TNNI3K: variants seen among roughly 807,000 people sequenced by gnomAD.
TNNI3K encodes TNNI3 interacting kinase.
Under a neutral mutation model 114.5 loss-of-function variants are expected in TNNI3K, and 140 were observed. The observed-to-expected ratio is 1.22, with a 90% CI of 1.07 to 1.41. The LOEUF (loss-of-function observed/expected upper bound fraction) is 1.41. Among genes scored for constraint, TNNI3K ranks in the 40% most tolerant of loss-of-function variants. The pLI is 0.00. For synonymous variants in TNNI3K, 347 were observed against 347.5 expected, an observed-to-expected ratio of 1.00 and a Z score of 0.02; for missense variants, 1,125 against 1,007.6, an observed-to-expected ratio of 1.12 and a Z score of -1.58.
At chr1:74,307,979 GT>G (rs1658755087) in intron 5 of TNNI3K, among the ~76,000 whole-genome samples, 3 of 151,796 alleles carry the variant, frequency 2.0e-5, no homozygotes, top group African/African-American at 7.2e-5. Context: ...ATATATAATA[GT>G]AATAATAGTG....
At chr1:74,252,680 G>A (rs917939673) in intron 4 of TNNI3K, among the ~76,000 whole-genome samples, 1 of 151,946 alleles carries the variant, frequency 6.6e-6, no homozygotes, top group Non-Finnish European at 1.5e-5. Context: ...GCAGACCCTC[G>A]CAGTGAGTGT....
At position 74,436,098 on chromosome 1, in the gene TNNI3K, T is replaced by C; in HGVS notation, c.1791T>C (p.Tyr597=). 1 of 1,607,874 alleles carries C rather than the reference T, an allele frequency of 6.2e-7. No individual in the cohort carries two copies. The highest frequency in any genetic ancestry group is 8.5e-7 in the Non-Finnish European group (1 of 1,177,974). The change falls in exon 18 of 25, where the codon TAT becomes TAC. Residue 597 remains tyrosine, a synonymous_variant. Transcript: ENST00000326637. ...TTTACAGTCACAATATTCTTCTCTA[T>C]GAGGATGGGCATGCTGTGGTGGCAG... ...RDLNSHNILL[Y]EDGHAVVADF... is the part of the protein sequence containing the mutation.
At chr1:74,539,649 T>G (rs1353916125) in intron 23 of TNNI3K, among the ~76,000 whole-genome samples, 1 of 152,130 alleles carries the variant, frequency 6.6e-6, no homozygotes, top group East Asian at 1.9e-4. Flanking sequence ...AGATGAGGAT[T>G]TGAATCCTGG....
chr1:74,275,385 T>C (rs1238821363), intron 5 of TNNI3K, among the ~76,000 whole-genome samples: 2 of 152,044 alleles, frequency 1.3e-5, no homozygotes, highest in Non-Finnish European at 2.9e-5. Context: ...ACGAGAACAG[T>C]ATGGGGGAAA....
chr1:74,414,928 A>G (rs1665048089), intron 17 of TNNI3K, among the ~76,000 whole-genome samples: 1 of 152,188 alleles, frequency 6.6e-6, no homozygotes, highest in South Asian at 2.1e-4. Context: ...AAAAAATAAA[A>G]GTCAGATTAT....
At chr1:74,489,609 T>G (rs1041725479) in intron 22 of TNNI3K, among the ~76,000 whole-genome samples, 1 of 152,238 alleles carries the variant, frequency 6.6e-6, no homozygotes, top group Non-Finnish European at 1.5e-5. Flanking sequence ...TGTAAGCCAT[T>G]GTTCATTTAC....
At chr1:74,486,398 A>G (rs1451663238) in intron 21 of TNNI3K, among the ~76,000 whole-genome samples, 1 of 152,122 alleles carries the variant, frequency 6.6e-6, no homozygotes, top group African/African-American at 2.4e-5. Flanking sequence ...CTACTTGATC[A>G]TTCAGATACT....
At chr1:74,496,998 G>A (rs895751895) in intron 23 of TNNI3K, among the ~76,000 whole-genome samples, 1 of 152,138 alleles carries the variant, frequency 6.6e-6, no homozygotes, top group African/African-American at 2.4e-5. Context: ...GGGATCCAGA[G>A]TTTGGAACTG....
intron 17 of TNNI3K, among the ~76,000 whole-genome samples, chr1:74,431,203 A>G (rs891857271): frequency 6.6e-6 from 1 of 152,232 alleles, no homozygotes; most frequent in African/African-American, 2.4e-5. Context: ...TTAAAGTATT[A>G]TAATTTGGCC....
intron 21 of TNNI3K, among the ~76,000 whole-genome samples, chr1:74,465,132 C>T (rs1160456507): frequency 6.6e-6 from 1 of 152,216 alleles, no homozygotes; most frequent in East Asian, 1.9e-4. Context: ...TGCTAGCAGC[C>T]CTCACTCACT....
chr1:74,460,303 G>A (rs1667403369), intron 20 of TNNI3K, among the ~76,000 whole-genome samples: 2 of 151,776 alleles, frequency 1.3e-5, no homozygotes, highest in African/African-American at 2.4e-5. Context: ...TCCTGACCTC[G>A]TGATCTGCCG....
intron 21 of TNNI3K, among the ~76,000 whole-genome samples, chr1:74,482,479 G>T (rs1276587959): frequency 2.0e-5 from 3 of 152,272 alleles, no homozygotes; most frequent in African/African-American, 7.2e-5. Flanking sequence ...GATTAGAAAC[G>T]ATATACACAT....
intron 11 of TNNI3K, among the ~76,000 whole-genome samples, chr1:74,366,376 C>T (rs1662272444): frequency 6.6e-6 from 1 of 151,954 alleles, no homozygotes; most frequent in African/African-American, 2.4e-5. Flanking sequence ...CTCAGAGGAT[C>T]ATTTGGCATT....
intron 23 of TNNI3K, among the ~76,000 whole-genome samples, chr1:74,503,168 G>A (rs1197715053): frequency 6.6e-6 from 1 of 152,132 alleles, no homozygotes; most frequent in Non-Finnish European, 1.5e-5. Context: ...GGCAACAATT[G>A]ACTTTCTGGT....
Position 74,353,249 on chromosome 1 carries a change from A to G in TNNI3K, c.933-17A>G, listed in dbSNP as rs544628998. The G allele has an allele frequency of 1.6e-5, 25 of 1,604,136 alleles. No individual in the cohort carries two copies. The South Asian group carries it at 2.5e-4, about 16-fold the overall frequency. On this transcript the variant is annotated splice_polypyrimidine_tract_variant and intron_variant, in intron 9 of 24. Coordinates refer to ENST00000326637, the MANE Select transcript of TNNI3K (RefSeq NM_015978.3). ...AAGGACCTTCTATCTTTCTTGTTTT[A>G]TGGTTTTTTTTTTCAGTGCTTGTAC...
chr1:74,465,924 C>T (rs915458108), intron 21 of TNNI3K, among the ~76,000 whole-genome samples: 3 of 152,160 alleles, frequency 2.0e-5, no homozygotes, highest in Non-Finnish European at 4.4e-5. Context: ...GTGCCCAAGC[C>T]AGCAGCAGCA....
At chr1:74,255,260 G>A (rs374023708) in intron 4 of TNNI3K, among the ~76,000 whole-genome samples, 55 of 151,162 alleles carry the variant, frequency 3.6e-4, no homozygotes, top group Admixed American at 1.8e-3. Context: ...AGGCTGAGGC[G>A]GGAGAATGGC....
intron 17 of TNNI3K, among the ~76,000 whole-genome samples, chr1:74,412,703 C>G (rs926333156): frequency 9.9e-5 from 15 of 152,176 alleles, no homozygotes; most frequent in African/African-American, 3.6e-4. Context: ...GAACCTCCCC[C>G]TCCAGGGTTC....
chr1:74,408,939 A>G lies in TNNI3K; in HGVS notation c.1773-27141A>G, dbSNP rs750348417. 2.3e-4 allele frequency among the ~76,000 whole-genome samples: 35 copies of G among 152,208 alleles called. 1 individual carries two copies. In the Middle Eastern group the frequency reaches 0.01, roughly 44 times the overall value. ...AGAAAAAGCTTTGTCTTCATTATGT[A>G]TAAATGTAGAAGACTTCAAGAAAGA... On this transcript the variant is annotated intron_variant, in intron 17 of 24. Transcript: ENST00000326637.
Sources: allele counts gnomAD v4.1 joint callset (sites outside exome capture counted in the v4.1 genomes callset), GRCh38; gene constraint gnomAD v4.1.1; transcripts MANE v1.5; gene names NCBI Gene and HGNC (gene_info 2026-07-23, HGNC 2026-07-21).